MRGPRE: variants seen among roughly 807,000 people sequenced by gnomAD.
MRGPRE encodes the protein mas-related G protein-coupled receptor member E.
For missense variants in MRGPRE, 466 were observed against 433.4 expected, an observed-to-expected ratio of 1.08 and a Z score of -0.67; for synonymous variants, 229 against 206.7, an observed-to-expected ratio of 1.11 and a Z score of -0.92.
rs1847807923 is a variant in MRGPRE at position 3,229,569 on chromosome 11, G to C, written c.-61-709C>G. On this transcript the variant is annotated intron_variant, in intron 1 of 1. Coordinates refer to ENST00000389832, the MANE Select transcript of MRGPRE (RefSeq NM_001039165.4). This position sits in a 1 kb window ranked among gnomAD's most constrained non-coding sequence, Gnocchi z 4.4. ...CTAATGAGTGGTGTGACCACAGAGGGACAGCTTACAGTGGCTGTGGGGCTT... is the reference window on the plus strand; with the variant it reads ...CTAATGAGTGGTGTGACCACAGAGGCACAGCTTACAGTGGCTGTGGGGCTT... Among the ~76,000 whole-genome samples, 1 of 152,216 alleles carries C rather than the reference G, an allele frequency of 6.6e-6. No homozygotes were observed. Among genetic ancestry groups the C allele is most frequent in the South Asian group, 2.1e-4 (1 of 4,830 alleles).
In MRGPRE at chr11:3,230,371, C is replaced by T. The variant is rs533522216; in HGVS notation, c.-61-1511G>A. ...CAGAAACCCCCATAGCTGGTCTTAG[C>T]GGCTTCTTCCCACCTCAAGGTTGTG... On this transcript the variant is annotated intron_variant, in intron 1 of 1. Coordinates refer to ENST00000389832, the MANE Select transcript of MRGPRE (RefSeq NM_001039165.4). This position sits in a 1 kb window ranked among gnomAD's most constrained non-coding sequence, Gnocchi z 5.5. 3.9e-5 allele frequency among the ~76,000 whole-genome samples: 6 copies of T among 152,180 alleles called. No individual in the cohort carries two copies. In the East Asian group the frequency reaches 5.8e-4, roughly 15 times the overall value.
intron 1 of MRGPRE, 70 bp from the exon 2 acceptor site, chr11:3,228,930 G>T: frequency 1.4e-6 from 1 of 733,060 alleles, no homozygotes. Context: ...CATCAGGGGA[G>T]ATGAGAGTTG....
At chr11:3,228,994 T>G in intron 1 of MRGPRE, 134 bp from the exon 2 acceptor site, 1 of 554,598 alleles carries the variant, frequency 1.8e-6, no homozygotes, top group African/African-American at 1.9e-5. Context: ...CCTCTCTCAT[T>G]TCCACCCTCA....
Position 3,231,638 on chromosome 11 carries a change from G to A in MRGPRE, c.-62+503C>T, listed in dbSNP as rs1847831590. ...AGGAGGGGGAGGAGAAGGAGGGGAG[G>A]AGGCGGGGAAGGACGATGGAACAGA... On this transcript the variant is annotated intron_variant, in intron 1 of 1. Coordinates refer to ENST00000389832, the MANE Select transcript of MRGPRE (RefSeq NM_001039165.4). The surrounding 1 kb of genome is among the most constrained non-coding windows in gnomAD (Gnocchi z 4.7). 6.9e-6 allele frequency among the ~76,000 whole-genome samples: 1 copy of A among 145,768 alleles called. No homozygotes were observed. Among genetic ancestry groups the A allele is most frequent in the Non-Finnish European group, 1.5e-5 (1 of 66,076 alleles).
At position 3,228,861 on chromosome 11, in the gene MRGPRE, CT is replaced by C; in HGVS notation, c.-61-2del. The C allele has an allele frequency of 7.5e-7, 1 of 1,335,784 alleles. No individual in the cohort carries two copies. 82.7% of individuals were successfully genotyped at this position (1,335,784 alleles called of 1,614,324 possible). On this transcript the variant is annotated splice_acceptor_variant, in intron 1 of 1. Coordinates refer to ENST00000389832, the MANE Select transcript of MRGPRE (RefSeq NM_001039165.4). LOFTEE classifies it low-confidence loss of function (5UTR_SPLICE). The stretch of plus-strand genomic sequence containing the variant: ...CTGCTCGCTCTCTCTCCTGATGCCC[CT>C]GTAAACCACAACAGTTGAGTCTGGG...
Position 3,229,212 on chromosome 11 carries a change from CTTT to C in MRGPRE, c.-61-355_-61-353del, listed in dbSNP as rs60799467. Among the ~76,000 whole-genome samples the C allele has an allele frequency of 0.025, 3,072 of 125,030 alleles. 136 individuals are homozygous for C. Among genetic ancestry groups the C allele is most frequent in the Middle Eastern group, 0.043 (10 of 230 alleles). 82.0% of individuals were successfully genotyped at this position (125,030 alleles called of 152,430 possible). ...GTGGTGCCTTGATCCTCAGAATGGG[CTTT>C]TTTTTTTTTTTTTTTTTTTTTTTTT... On this transcript the variant is annotated intron_variant, in intron 1 of 1. Transcript: ENST00000389832. This position sits in a 1 kb window ranked among gnomAD's most constrained non-coding sequence, Gnocchi z 4.4.
In MRGPRE at chr11:3,230,116, C is replaced by A. The variant is rs557422757; in HGVS notation, c.-61-1256G>T. ...GAGCCGGAGACATGCCTGCAGATAC[C>A]CGGCCCCATGCTGCCCCTGTGGTTA... is the stretch of plus-strand genomic sequence containing the variant. On this transcript the variant is annotated intron_variant, in intron 1 of 1. Transcript: ENST00000389832. This position sits in a 1 kb window ranked among gnomAD's most constrained non-coding sequence, Gnocchi z 5.5. Among the ~76,000 whole-genome samples the A allele has an allele frequency of 3.9e-5, 6 of 152,176 alleles. No individual in the cohort carries two copies. Among genetic ancestry groups the A allele is most frequent in the African/African-American group, 1.4e-4 (6 of 41,432 alleles).
Position 3,228,348 on chromosome 11 carries a change from C to A in MRGPRE, c.452G>T (p.Cys151Phe), listed in dbSNP as rs1477766041. 1.3e-6 allele frequency: 2 copies of A among 1,572,288 alleles called. No homozygotes were observed. The highest frequency in any genetic ancestry group is 4.7e-5 in the East Asian group (2 of 42,548). Residue 151 changes from cysteine (C) to phenylalanine (F), a missense_variant, in exon 2 of 2, where the codon TGC becomes TTC. Coordinates refer to ENST00000389832, the MANE Select transcript of MRGPRE (RefSeq NM_001039165.4). The stretch of plus-strand genomic sequence containing the variant: ...GCTGAGCAGCAGGTGCAGCAGCAGG[C>A]AGAGGGCCCAGGTGAGGGCGCACAC... ...TCVCALTWAL[C>F]LLLHLLLSGA...
In MRGPRE at chr11:3,225,257, G is replaced by A. The variant is rs1045347443; in HGVS notation, c.*2604C>T. On this transcript the variant is annotated 3_prime_UTR_variant, in exon 2 of 2. Coordinates refer to ENST00000389832, the MANE Select transcript of MRGPRE (RefSeq NM_001039165.4). Reference sequence around the variant, plus strand: ...CACAGCCTCCCTGGGCCCTGAGGACGGAGCGGGTTACACAGGCTCCCTGGA... The same window carrying A: ...CACAGCCTCCCTGGGCCCTGAGGACAGAGCGGGTTACACAGGCTCCCTGGA... Among the ~76,000 whole-genome samples, 2 of 152,258 alleles carry A rather than the reference G, an allele frequency of 1.3e-5. No homozygotes were observed. The highest frequency in any genetic ancestry group is 4.8e-5 in the African/African-American group (2 of 41,474).
chr11:3,226,277 G>C lies in MRGPRE; in HGVS notation c.*1584C>G, dbSNP rs1343981257. 6.6e-6 allele frequency: 1 copy of C among 152,336 alleles called. No individual in the cohort carries two copies. Among genetic ancestry groups the C allele is most frequent in the African/African-American group, 2.4e-5 (1 of 41,462 alleles). The allele number at this position is 152,336 out of a possible 1,614,324, so 9.4% of individuals were successfully genotyped here. The stretch of plus-strand genomic sequence containing the variant: ...TGTCCTGGGGCTGAAAGTGGAATTT[G>C]TGGACAGGCCACTTCCCTTTCTGTT... On this transcript the variant is annotated 3_prime_UTR_variant, in exon 2 of 2. Coordinates refer to ENST00000389832, the MANE Select transcript of MRGPRE (RefSeq NM_001039165.4).
At position 3,227,743 on chromosome 11, in the gene MRGPRE, G is replaced by A. The variant is rs778904011; in HGVS notation, c.*118C>T. ...GTCACAACTTTGACAGCACATGACC[G>A]GGTCACCCACCAAGGCCTCCTCCAG... is the stretch of plus-strand genomic sequence containing the variant. On this transcript the variant is annotated 3_prime_UTR_variant, in exon 2 of 2. Transcript: ENST00000389832. 1.0e-5 allele frequency: 8 copies of A among 776,466 alleles called. No individual in the cohort carries two copies. The highest frequency in any genetic ancestry group is 6.2e-5 in the Admixed American group (2 of 32,002). 48.1% of individuals were successfully genotyped at this position (776,466 alleles called of 1,614,324 possible). A position where few individuals can be genotyped will look rare whatever the true frequency, so the allele number is the denominator to read the frequency against.
At position 3,228,468 on chromosome 11, in the gene MRGPRE, A is replaced by G. The variant is rs1847790881; in HGVS notation, c.332T>C (p.Leu111Pro). ...TLRFFCYIVG[L>P]SLLAAVSVEQ... Reference sequence around the variant, plus strand: ...CACGCTGACGGCCGCCAGGAGACTCAGGCCCACGATGTAGCAGAAGAAGCG... The same window carrying G: ...CACGCTGACGGCCGCCAGGAGACTCGGGCCCACGATGTAGCAGAAGAAGCG... The change falls in exon 2 of 2, where the codon CTG becomes CCG. Residue 111 changes from leucine to proline, a missense_variant. Leu to Pro is a moderately conservative substitution (Grantham distance 98). Transcript: ENST00000389832. 1.2e-6 allele frequency: 2 copies of G among 1,613,012 alleles called. No individual in the cohort carries two copies. Among genetic ancestry groups the G allele is most frequent in the African/African-American group, 1.3e-5 (1 of 75,068 alleles).
At position 3,230,451 on chromosome 11, in the gene MRGPRE, G is replaced by A. The variant is rs1212413418; in HGVS notation, c.-61-1591C>T. Among the ~76,000 whole-genome samples, 5 of 152,234 alleles carry A rather than the reference G, an allele frequency of 3.3e-5. No homozygotes were observed. The South Asian group carries it at 1.0e-3, about 32-fold the overall frequency. On this transcript the variant is annotated intron_variant, in intron 1 of 1. Transcript: ENST00000389832. The surrounding 1 kb of genome is among the most constrained non-coding windows in gnomAD (Gnocchi z 5.5). ...ATAGGAGCACCCGAGACCATGCAGG[G>A]GGACGCTGCGGTGCTGGGATGCTGG...
Position 3,228,726 on chromosome 11 carries a change from A to T in MRGPRE, c.74T>A (p.Leu25His). Reference protein sequence around the residue: ...NGAQEDVAFNLIILSLTEGLG... With the variant: ...NGAQEDVAFNHIILSLTEGLG... ...CCCCTCGGTGAGGGACAGGATGATG[A>T]GGTTGAAGGCCACATCCTCCTGGGC... Residue 25 changes from leucine to histidine, a missense_variant, in exon 2 of 2, where the codon CTC (leucine) becomes CAC (histidine). By Grantham distance (99) the Leu-to-His change is moderately conservative (BLOSUM62 -3). Transcript: ENST00000389832. The T allele has an allele frequency of 1.2e-6, 2 of 1,613,722 alleles. No individual in the cohort carries two copies. The highest frequency in any genetic ancestry group is 8.5e-7 in the Non-Finnish European group (1 of 1,179,938).
chr11:3,228,812 C>T lies in MRGPRE; in HGVS notation c.-13G>A, dbSNP rs377092894. The T allele has an allele frequency of 2.5e-6, 4 of 1,592,060 alleles. No homozygotes were observed. In the African/African-American group the frequency reaches 5.4e-5, roughly 21 times the overall value. On this transcript the variant is annotated 5_prime_UTR_variant, in exon 2 of 2. Coordinates refer to ENST00000389832, the MANE Select transcript of MRGPRE (RefSeq NM_001039165.4). ...TGGGCTCCATCATGGGGCGGGGGGC[C>T]AGGGGATGCTGCAGGAGTGTGTTCT... is the stretch of plus-strand genomic sequence containing the variant.
rs1847832135 is a variant in MRGPRE, at chr11:3,231,692, C to A, written c.-62+449G>T. 6.6e-6 allele frequency among the ~76,000 whole-genome samples: 1 copy of A among 151,930 alleles called. No homozygotes were observed. The highest frequency in any genetic ancestry group is 2.4e-5 in the African/African-American group (1 of 41,350). ...GGAGGGAGGCACAGCATTCCCCATC[C>A]CTGGGTGGTCCAGGAGTGGCTCTGT... is the stretch of plus-strand genomic sequence containing the variant. On this transcript the variant is annotated intron_variant, in intron 1 of 1. Coordinates refer to ENST00000389832, the MANE Select transcript of MRGPRE (RefSeq NM_001039165.4). This position sits in a 1 kb window ranked among gnomAD's most constrained non-coding sequence, Gnocchi z 4.7.
chr11:3,228,263 C>T lies in MRGPRE; in HGVS notation c.537G>A (p.Leu179=). ...PSRHLCRTLW[L]VAAVLLALLC... Reference sequence around the variant, plus strand: ...GCAGAGCCAGCAGCACCGCTGCCACCAGCCACAGCGTCCGGCACAAGTGGC... The same window carrying T: ...GCAGAGCCAGCAGCACCGCTGCCACTAGCCACAGCGTCCGGCACAAGTGGC... Residue 179 remains leucine (L), a synonymous_variant, in exon 2 of 2, where the codon CTG becomes CTA. Transcript: ENST00000389832. 10 of 1,555,636 alleles carry T rather than the reference C, an allele frequency of 6.4e-6. No individual in the cohort carries two copies. The highest frequency in any genetic ancestry group is 8.7e-6 in the Non-Finnish European group (10 of 1,151,324).
Position 3,227,934 on chromosome 11 carries a change from G to A in MRGPRE, c.866C>T (p.Ala289Val), listed in dbSNP as rs370776661. 32 of 1,528,460 alleles carry A rather than the reference G, an allele frequency of 2.1e-5. No homozygotes were observed. The African/African-American group carries it at 3.9e-4, about 18-fold the overall frequency. 94.7% of individuals were successfully genotyped at this position (1,528,460 alleles called of 1,614,324 possible). ...CCCCAGCTCAGCCTCGTCTCCCAGC[G>A]CTCGCTGGAGGACCAGCCGGAGGGG... is the stretch of plus-strand genomic sequence containing the variant. ...RLPLRLVLQR[A>V]LGDEAELGAV... Residue 289 changes from alanine (A) to valine (V), a missense_variant, in exon 2 of 2, where the codon GCG becomes GTG. By Grantham distance (64) the Ala-to-Val change is moderately conservative. Transcript: ENST00000389832.
chr11:3,227,770 T>A lies in MRGPRE; in HGVS notation c.*91A>T, dbSNP rs971652800. ...GTCACCCACCAAGGCCTCCTCCAGGTCCGGCTGGCCCCAGCCTCTGACCCC... is the reference window on the plus strand; with the variant it reads ...GTCACCCACCAAGGCCTCCTCCAGGACCGGCTGGCCCCAGCCTCTGACCCC... On this transcript the variant is annotated 3_prime_UTR_variant, in exon 2 of 2. Transcript: ENST00000389832. 1.0e-5 allele frequency: 11 copies of A among 1,083,016 alleles called. No individual in the cohort carries two copies. In the South Asian group the frequency reaches 2.0e-4, roughly 19 times the overall value. 67.1% of individuals were successfully genotyped at this position (1,083,016 alleles called of 1,614,324 possible). A position where few individuals can be genotyped will look rare whatever the true frequency, so the allele number is the denominator to read the frequency against.
Sources: gnomAD v4.1 joint callset for allele counts (sites outside exome capture counted in the v4.1 genomes callset) on GRCh38, gnomAD v4.1.1 for gene constraint, Gnocchi (gnomAD v3.1) non-coding constraint, MANE v1.5 for transcripts, NCBI Gene and HGNC (gene_info 2026-07-23, HGNC 2026-07-21) for gene names.